The following ACVR2A variants were observed in gnomAD, a reference collection of about 807,000 sequenced individuals.
ACVR2A encodes activin A receptor type 2A, also known as activin receptor type-2A.
In ACVR2A, 7 loss-of-function variants were observed where a neutral mutation model predicts 61.4. The ratio of observed to expected loss-of-function variants is 0.11; its 90% confidence interval spans 0.06 to 0.21. The LOEUF (loss-of-function observed/expected upper bound fraction) is 0.21, where lower values mean the gene tolerates loss of function less well. ACVR2A is among the 10% of genes least tolerant of loss of function. The probability of loss-of-function intolerance (pLI) is 1.00; values close to 1 mark genes in which losing one functional copy is unlikely to be tolerated. For missense variants in ACVR2A, 322 were observed against 621.7 expected (o/e 0.52, Z 5.13); for synonymous variants, 193 against 208.3 (o/e 0.93, Z 0.63).
rs1462039787 is a variant in ACVR2A at position 147,928,592 on chromosome 2, A to G, written c.*1318A>G. The G allele has an allele frequency of 5.9e-5, 9 of 152,316 alleles. No homozygotes were observed. The highest frequency in any genetic ancestry group is 2.2e-4 in the African/African-American group (9 of 41,390). 9.4% of individuals were successfully genotyped at this position (152,316 alleles called of 1,614,324 possible). A position where few individuals can be genotyped will look rare whatever the true frequency, so the allele number is the denominator to read the frequency against. ...TTAAACGTATAACTTAAAATATGCA[A>G]TGACATTTAGAGGTAACCAATGTTG... On this transcript the variant is annotated 3_prime_UTR_variant, in exon 11 of 11. Coordinates refer to ENST00000241416, the MANE Select transcript of ACVR2A (RefSeq NM_001616.5).
Position 147,929,480 on chromosome 2 carries a change from A to AAGTT in ACVR2A, c.*2209_*2212dup, listed in dbSNP as rs1459015872. On this transcript the variant is annotated 3_prime_UTR_variant, in exon 11 of 11. Transcript: ENST00000241416. ...GTTATTCACAATATAAAATGTTTTCAAGTTAGAAAAAATTTTTAGAAATCC... is the reference window on the plus strand; with the variant it reads ...GTTATTCACAATATAAAATGTTTTCAAGTTAGTTAGAAAAAATTTTTAGAAATCC... The AAGTT allele has an allele frequency of 6.6e-5, 10 of 152,392 alleles. No homozygotes were observed. The highest frequency in any genetic ancestry group is 8.8e-5 in the Non-Finnish European group (6 of 67,972). The allele number at this position is 152,392 out of a possible 1,614,324, so 9.4% of individuals were successfully genotyped here. A position where few individuals can be genotyped will look rare whatever the true frequency, so the allele number is the denominator to read the frequency against.
chr2:147,911,607 A>T (rs184560920), intron 4 of ACVR2A, among the ~76,000 whole-genome samples: 1 of 152,116 alleles, frequency 6.6e-6, no homozygotes, highest in Admixed American at 6.6e-5. Flanking sequence ...CTTTCTGTGG[A>T]TGCATACTAA....
intron 1 of ACVR2A, among the ~76,000 whole-genome samples, chr2:147,881,601 T>TTG (rs1686299619): frequency 1.3e-5 from 1 of 79,068 alleles, no homozygotes; most frequent in African/African-American, 4.5e-5. Flanking sequence ...AGAAGCTGCT[T>TTG]AGTGTGTGTG....
At chr2:147,884,773 T>A (rs1025762518) in intron 1 of ACVR2A, among the ~76,000 whole-genome samples, 1 of 152,310 alleles carries the variant, frequency 6.6e-6, no homozygotes, top group Admixed American at 6.5e-5. Flanking sequence ...AGCATAGATA[T>A]TGTATACCCC....
chr2:147,919,436 T>A (rs1001042327), intron 7 of ACVR2A, among the ~76,000 whole-genome samples: 6 of 152,144 alleles, frequency 3.9e-5, no homozygotes, highest in Non-Finnish European at 8.8e-5. Context: ...ACCCCCAAAG[T>A]TATTAAGGGC....
intron 9 of ACVR2A, 155 bp from the exon 10 acceptor site, chr2:147,925,876 G>C (rs1056688400): frequency 2.3e-5 from 16 of 687,728 alleles, no homozygotes; most frequent in Middle Eastern, 3.9e-4. Context: ...TCACACTGTG[G>C]TATAAGTACA....
chr2:147,916,457 G>A (rs548684157), intron 5 of ACVR2A, among the ~76,000 whole-genome samples: 35 of 151,952 alleles, frequency 2.3e-4, no homozygotes, highest in African/African-American at 8.2e-4. Context: ...ATATGTGTAC[G>A]TATATTACCC....
chr2:147,900,470 C>A (rs1382012438), intron 4 of ACVR2A: 1 of 152,358 alleles, frequency 6.6e-6, no homozygotes, highest in Admixed American at 6.5e-5. Flanking sequence ...TTGGTTGCCT[C>A]ATATCAAGTG....
chr2:147,872,934 A>G (rs1056231715), intron 1 of ACVR2A, among the ~76,000 whole-genome samples: 3 of 151,924 alleles, frequency 2.0e-5, no homozygotes, highest in Non-Finnish European at 4.4e-5. Context: ...AGGGTAGGCA[A>G]GAAGGTGGTT....
At position 147,930,662 on chromosome 2, in the gene ACVR2A, C is replaced by T. The variant is rs1291084686; in HGVS notation, c.*3388C>T. 6.6e-6 allele frequency: 1 copy of T among 152,290 alleles called. No homozygotes were observed. The highest frequency in any genetic ancestry group is 2.4e-5 in the African/African-American group (1 of 41,384). The allele number at this position is 152,290 out of a possible 1,614,324, so 9.4% of individuals were successfully genotyped here. A position where few individuals can be genotyped will look rare whatever the true frequency, so the allele number is the denominator to read the frequency against. Reference sequence around the variant, plus strand: ...TGTGTTTTGGGCACAGGTTATTGTACTACTGTCAAATCGTACTTGCTATTT... The same window carrying T: ...TGTGTTTTGGGCACAGGTTATTGTATTACTGTCAAATCGTACTTGCTATTT... On this transcript the variant is annotated 3_prime_UTR_variant, in exon 11 of 11. Coordinates refer to ENST00000241416, the MANE Select transcript of ACVR2A (RefSeq NM_001616.5).
In ACVR2A at chr2:147,917,437, T is replaced by C; in HGVS notation, c.816+11T>C. ...GCATTTCATGAAAAGGTAAAACTAC[T>C]TAACGTTTTACTTTAGTAAAGTCTG... On this transcript the variant is annotated intron_variant, in intron 6 of 10. Coordinates refer to ENST00000241416, the MANE Select transcript of ACVR2A (RefSeq NM_001616.5). 1.1e-5 allele frequency: 17 copies of C among 1,610,332 alleles called. No homozygotes were observed. Among genetic ancestry groups the C allele is most frequent in the Non-Finnish European group, 1.4e-5 (17 of 1,177,984 alleles).
intron 7 of ACVR2A, among the ~76,000 whole-genome samples, chr2:147,919,675 C>T (rs1281029592): frequency 6.6e-6 from 1 of 152,088 alleles, no homozygotes; most frequent in Non-Finnish European, 1.5e-5. Flanking sequence ...CTTTTCAGAA[C>T]ACCAGGATCT....
Position 147,929,312 on chromosome 2 carries a change from GAA to G in ACVR2A, c.*2041_*2042del, listed in dbSNP as rs1281249513. On this transcript the variant is annotated 3_prime_UTR_variant, in exon 11 of 11. Transcript: ENST00000241416. Reference sequence around the variant, plus strand: ...GAAAATATTGAGAATGTGCATACAAGAAAATCATTAATTTCCTGAAGATGAAT... The same window carrying G: ...GAAAATATTGAGAATGTGCATACAAGAATCATTAATTTCCTGAAGATGAAT... The G allele has an allele frequency of 5.3e-5, 8 of 151,892 alleles. No homozygotes were observed. The highest frequency in any genetic ancestry group is 1.0e-4 in the Non-Finnish European group (7 of 67,950). The allele number at this position is 151,892 out of a possible 1,614,324, so 9.4% of individuals were successfully genotyped here.
At chr2:147,923,276 G>C (rs10180655) in intron 9 of ACVR2A, among the ~76,000 whole-genome samples, 165 bp downstream of exon 9, 58,845 of 151,666 alleles carry the variant, frequency 0.39, 11,900 homozygotes, top group South Asian at 0.51. Context: ...TGGGGTAGGA[G>C]AGGAAAGGAA....
chr2:147,875,158 T>G (rs1199085762), intron 1 of ACVR2A, among the ~76,000 whole-genome samples: 1 of 152,050 alleles, frequency 6.6e-6, no homozygotes. Context: ...TATTATAAAT[T>G]TTTTTCTCAC....
At chr2:147,903,933 T>TA (rs150798317) in intron 4 of ACVR2A, among the ~76,000 whole-genome samples, 5,417 of 152,096 alleles carry the variant, frequency 0.036, 120 homozygotes, top group Middle Eastern at 0.088. Flanking sequence ...CATTTGGAAT[T>TA]ATACTGAGAT....
At chr2:147,845,244 T>TGCGGCCGCG (rs1239518923) in intron 1 of ACVR2A, 37 bp downstream of exon 1, 3 of 1,595,754 alleles carry the variant, frequency 1.9e-6, no homozygotes, top group African/African-American at 1.4e-5. Flanking sequence ...GGGCTGCTCC[T>TGCGGCCGCG]GCGGCCGCGG....
At chr2:147,868,162 T>A (rs1685914464) in intron 1 of ACVR2A, among the ~76,000 whole-genome samples, 1 of 152,154 alleles carries the variant, frequency 6.6e-6, no homozygotes, top group Admixed American at 6.5e-5. Flanking sequence ...TTCACTGAAA[T>A]GTGAAGAGTA....
At chr2:147,852,594 A>G (rs1334554542) in intron 1 of ACVR2A, among the ~76,000 whole-genome samples, 2 of 152,134 alleles carry the variant, frequency 1.3e-5, no homozygotes, top group African/African-American at 4.8e-5. Flanking sequence ...AAGGGAGAAC[A>G]TGGCTCTTCC....
Sources: allele counts gnomAD v4.1 joint callset (sites outside exome capture counted in the v4.1 genomes callset), GRCh38; gene constraint gnomAD v4.1.1; transcripts MANE v1.5; gene names NCBI Gene and HGNC (gene_info 2026-07-23, HGNC 2026-07-21).